The following STAG2 variants were observed in gnomAD, a reference collection of about 807,000 sequenced individuals.
STAG2 encodes STAG2 cohesin complex component, also known as cohesin subunit SA-2.
In STAG2, 14 loss-of-function variants were observed where a neutral mutation model predicts 108.1. The observed-to-expected ratio is 0.13, with a 90% CI of 0.09 to 0.20. The LOEUF is 0.20. Among genes scored for constraint, STAG2 ranks in the 10% least tolerant of loss-of-function variants. STAG2 has a pLI of 1.00. For synonymous variants in STAG2, 307 were observed against 302.7 expected, an observed-to-expected ratio of 1.01 and a Z score of -0.15; for missense variants, 440 against 940.9, an observed-to-expected ratio of 0.47 and a Z score of 6.96.
chrX:123,966,641 G>A (rs1476557894), intron 1 of STAG2, among the ~76,000 whole-genome samples: 1 of 111,020 alleles, frequency 9.0e-6, no homozygotes, highest in African/African-American at 3.3e-5. Context: ...TGATTTTTCA[G>A]TCTCTTGAGT....
rs1452318214 is a variant in STAG2 at position 124,039,645 on chromosome X, T to C, written c.385+2022T>C. Among the ~76,000 whole-genome samples, 9 of 105,784 alleles carry C rather than the reference T, an allele frequency of 8.5e-5. No homozygotes were observed. The East Asian group carries it at 1.2e-3, about 14-fold the overall frequency. The allele number at this position is 105,784 out of a possible 115,157, so 91.9% of individuals were successfully genotyped here. A position where few individuals can be genotyped will look rare whatever the true frequency, so the allele number is the denominator to read the frequency against. On this transcript the variant is annotated intron_variant, in intron 6 of 34. Coordinates refer to ENST00000371145, the MANE Select transcript of STAG2 (RefSeq NM_001042750.2). Reference sequence around the variant, plus strand: ...TGGCATGAGTTTCTTTCTTTCTTTTTTTTTTTTTTTAATTTAATTTTTTTT... The same window carrying C: ...TGGCATGAGTTTCTTTCTTTCTTTTCTTTTTTTTTTAATTTAATTTTTTTT...
At chrX:124,005,114 G>A (rs1018861172) in intron 1 of STAG2, among the ~76,000 whole-genome samples, 10 of 111,672 alleles carry the variant, frequency 9.0e-5, no homozygotes, top group Admixed American at 9.5e-5. Context: ...TATAAATGCC[G>A]TGTAAATAGT....
chrX:124,006,336 C>T (rs1044023422), intron 1 of STAG2, among the ~76,000 whole-genome samples: 3 of 111,097 alleles, frequency 2.7e-5, no homozygotes, highest in Non-Finnish European at 5.7e-5. Context: ...TTTAAAGAAA[C>T]GTCTAAGCTC....
chrX:123,976,776 C>A (rs749011652), intron 1 of STAG2, among the ~76,000 whole-genome samples: 1 of 111,909 alleles, frequency 8.9e-6, no homozygotes, highest in South Asian at 3.7e-4. Flanking sequence ...TTGTTAGAGA[C>A]TTGCCCAAGA....
At chrX:124,071,401 G>T in intron 25 of STAG2, 78 bp downstream of exon 25, 1 of 789,103 alleles carries the variant, frequency 1.3e-6, no homozygotes. Context: ...GTACATCGGT[G>T]CACTAAAATA....
At chrX:124,013,711 T>C (rs939946526) in intron 1 of STAG2, among the ~76,000 whole-genome samples, 1 of 102,771 alleles carries the variant, frequency 9.7e-6, no homozygotes, top group African/African-American at 3.4e-5. Context: ...GGCATTCAGG[T>C]TAAGGCAACT....
intron 9 of STAG2, among the ~76,000 whole-genome samples, chrX:124,048,611 G>A (rs1053023058): frequency 9.0e-6 from 1 of 111,039 alleles, no homozygotes; most frequent in African/African-American, 3.3e-5. Context: ...TGTATTTTTA[G>A]TAGAGTCGGG....
chrX:124,086,831 T>A, intron 30 of STAG2, 61 bp downstream of exon 30: 1 of 895,574 alleles, frequency 1.1e-6, no homozygotes. Context: ...GAATTGTCAT[T>A]AAGGTTCACC....
intron 25 of STAG2, 138 bp downstream of exon 25, chrX:124,071,461 T>G (rs778907799): frequency 2.1e-6 from 1 of 474,596 alleles, no homozygotes; most frequent in Admixed American, 5.3e-5. Flanking sequence ...CAGCACAATT[T>G]ATGTTCATTT....
intron 1 of STAG2, among the ~76,000 whole-genome samples, chrX:124,007,404 T>G (rs1209220533): frequency 9.0e-6 from 1 of 111,400 alleles, no homozygotes; most frequent in Non-Finnish European, 1.9e-5. Flanking sequence ...ATGAATACTT[T>G]CTCTGTATGT....
chrX:124,031,252 AATC>A (rs773076713), intron 5 of STAG2, 127 bp downstream of exon 5: 1 of 661,042 alleles, frequency 1.5e-6, no homozygotes, highest in African/African-American at 2.3e-5. Flanking sequence ...AAAGCAACAA[AATC>A]ATCAGAAAAC....
intron 5 of STAG2, among the ~76,000 whole-genome samples, chrX:124,034,946 G>A (rs1354704084): frequency 5.6e-5 from 6 of 107,701 alleles, no homozygotes; most frequent in Non-Finnish European, 1.1e-4. Flanking sequence ...ACCCAGGCTG[G>A]AGTGCAGTGG....
Position 124,022,688 on chromosome X carries a change from CTGA to C in STAG2, c.44+19_44+21del. ...TCTACTACAGTAAGTAAATTATATT[CTGA>C]TAATTTTTAAATACTTGTTTATTCC... On this transcript the variant is annotated intron_variant, in intron 3 of 34. Coordinates refer to ENST00000371145, the MANE Select transcript of STAG2 (RefSeq NM_001042750.2). 1 of 1,068,823 alleles carries C rather than the reference CTGA, an allele frequency of 9.4e-7. No individual in the cohort carries two copies. Among genetic ancestry groups the C allele is most frequent in the Non-Finnish European group, 1.3e-6 (1 of 791,113 alleles). 88.1% of individuals were successfully genotyped at this position (1,068,823 alleles called of 1,213,427 possible).
At chrX:124,031,572 T>G (rs1173827043) in intron 5 of STAG2, among the ~76,000 whole-genome samples, 5 of 106,815 alleles carry the variant, frequency 4.7e-5, no homozygotes, top group African/African-American at 1.4e-4. Context: ...TTTTTTGTTT[T>G]TTTGTTTTTT....
intron 6 of STAG2, 78 bp from the exon 7 acceptor site, chrX:124,042,491 G>A: frequency 1.5e-6 from 1 of 671,372 alleles, no homozygotes; most frequent in Non-Finnish European, 2.4e-6. Context: ...AGACTTCTTA[G>A]TGTTAGAGAC....
intron 1 of STAG2, among the ~76,000 whole-genome samples, chrX:123,983,191 A>T (rs937541918): frequency 1.3e-4 from 14 of 111,149 alleles, no homozygotes; most frequent in African/African-American, 4.6e-4. Flanking sequence ...AGGGCCTTAT[A>T]AATTATGAGT....
chrX:124,008,806 G>A (rs867876733), intron 1 of STAG2, among the ~76,000 whole-genome samples: 4 of 111,947 alleles, frequency 3.6e-5, no homozygotes, highest in Middle Eastern at 4.6e-3. Flanking sequence ...CCTTGCATAT[G>A]AATAATCTTC....
chrX:124,032,842 G>A (rs1034884562), intron 5 of STAG2, among the ~76,000 whole-genome samples: 3 of 112,018 alleles, frequency 2.7e-5, no homozygotes, highest in Non-Finnish European at 5.6e-5. Flanking sequence ...GCACATGAAT[G>A]GTTATCTGAG....
intron 17 of STAG2, among the ~76,000 whole-genome samples, chrX:124,062,608 A>G (rs1032711868): frequency 2.7e-5 from 3 of 111,821 alleles, no homozygotes; most frequent in Admixed American, 9.5e-5. Context: ...TATATTTCCT[A>G]TTTTTAACTG....
Sources: gnomAD v4.1 joint callset for allele counts (sites outside exome capture counted in the v4.1 genomes callset) on GRCh38, gnomAD v4.1.1 for gene constraint, MANE v1.5 for transcripts, NCBI Gene and HGNC (gene_info 2026-07-23, HGNC 2026-07-21) for gene names.